The following EYS variants were observed in gnomAD, a reference collection of about 807,000 sequenced individuals.
EYS encodes protein eyes shut homolog.
Under a neutral mutation model 282.1 loss-of-function variants are expected in EYS, and 250 were observed. That is an observed-to-expected ratio of 0.89 (90% CI 0.80 to 0.98). The LOEUF is 0.98. EYS is among the 50% of genes least tolerant of loss of function. The pLI is 0.00. For missense variants in EYS, 4,016 were observed against 3,709.0 expected (o/e 1.08, Z -2.15); for synonymous variants, 1,355 against 1,282.9 (o/e 1.06, Z -1.20).
At chr6:63,951,640 CT>C (rs1227169552) in intron 35 of EYS, among the ~76,000 whole-genome samples, 1 of 152,128 alleles carries the variant, frequency 6.6e-6, no homozygotes, top group Non-Finnish European at 1.5e-5. Context: ...CCCTATAATC[CT>C]TTTATCTCCT....
chr6:65,679,988 T>C (rs1389157453), intron 1 of EYS, among the ~76,000 whole-genome samples: 1 of 151,808 alleles, frequency 6.6e-6, no homozygotes, highest in Admixed American at 6.6e-5. Flanking sequence ...GAATCTGTAT[T>C]TTAAGTATTC....
intron 35 of EYS, among the ~76,000 whole-genome samples, chr6:63,865,532 T>A (rs1016263439): frequency 1.3e-5 from 2 of 152,088 alleles, no homozygotes; most frequent in African/African-American, 4.8e-5. Context: ...GGAGTTTACA[T>A]CTTATCTTCT....
At position 64,562,235 on chromosome 6, in the gene EYS, C is replaced by T. The variant is rs77723823; in HGVS notation, c.5644+27988G>A. 8.7e-3 allele frequency among the ~76,000 whole-genome samples: 1,314 copies of T among 151,496 alleles called. 7 individuals carry two copies. Among genetic ancestry groups the T allele is most frequent in the Non-Finnish European group, 0.014 (976 of 67,754 alleles). On this transcript the variant is annotated intron_variant, in intron 26 of 42. Coordinates refer to ENST00000503581, the MANE Select transcript of EYS (RefSeq NM_001142800.2). ...ACATTTATCATTATCTTATTCTTTT[C>T]CTTATTAATTCTGGAATTTCTAAAA...
chr6:63,827,354 T>A (rs1771498106), intron 36 of EYS, among the ~76,000 whole-genome samples: 1 of 152,164 alleles, frequency 6.6e-6, no homozygotes, highest in African/African-American at 2.4e-5. Flanking sequence ...CTGGCAGCAC[T>A]AAATACTTCA....
intron 30 of EYS, among the ~76,000 whole-genome samples, chr6:64,254,861 T>G (rs1356459101): frequency 6.6e-6 from 1 of 152,064 alleles, no homozygotes; most frequent in African/African-American, 2.4e-5. Context: ...CAATCAAAGA[T>G]TTGGAAATGT....
At chr6:64,246,344 C>A (rs1443752659) in intron 30 of EYS, among the ~76,000 whole-genome samples, 1 of 151,930 alleles carries the variant, frequency 6.6e-6, no homozygotes, top group East Asian at 1.9e-4. Context: ...TGCCATACTA[C>A]CTGAAATGGA....
intron 29 of EYS, among the ~76,000 whole-genome samples, chr6:64,365,024 A>T (rs1772142518): frequency 6.6e-6 from 1 of 152,010 alleles, no homozygotes; most frequent in Non-Finnish European, 1.5e-5. Flanking sequence ...GTTCAGACAT[A>T]AATTCAACCA....
At chr6:64,435,158 C>A (rs1023863019) in intron 28 of EYS, among the ~76,000 whole-genome samples, 1 of 151,588 alleles carries the variant, frequency 6.6e-6, no homozygotes, top group African/African-American at 2.4e-5. Context: ...TATAGTGACA[C>A]TAAGCATTAA....
At chr6:65,270,382 C>T (rs1049102156) in intron 12 of EYS, among the ~76,000 whole-genome samples, 1 of 152,132 alleles carries the variant, frequency 6.6e-6, no homozygotes, top group Non-Finnish European at 1.5e-5. Context: ...ATCTTTATTG[C>T]TTTGGGTGGC....
intron 2 of EYS, among the ~76,000 whole-genome samples, chr6:65,608,715 A>C (rs562043635): frequency 6.6e-6 from 1 of 152,082 alleles, no homozygotes; most frequent in Non-Finnish European, 1.5e-5. Flanking sequence ...TTTTTCCTTT[A>C]TATCCTTACT....
At chr6:64,035,411 A>G (rs1770067284) in intron 33 of EYS, among the ~76,000 whole-genome samples, 1 of 152,172 alleles carries the variant, frequency 6.6e-6, no homozygotes, top group African/African-American at 2.4e-5. Context: ...CATAGGGAGG[A>G]GAAAGAAACT....
intron 36 of EYS, among the ~76,000 whole-genome samples, chr6:63,863,675 C>CTTTTTTTTTTTTTTT (rs1284326554): frequency 1.7e-5 from 1 of 60,042 alleles, no homozygotes. Context: ...TTTCTTTTTT[C>CTTTTTTTTTTTTTTT]TTTTTTTTTT....
chr6:65,387,813 AT>A (rs1163422372), intron 7 of EYS, among the ~76,000 whole-genome samples: 3 of 151,862 alleles, frequency 2.0e-5, no homozygotes, highest in Non-Finnish European at 4.4e-5. Context: ...TATATTTGTA[AT>A]TTTTATAATG....
At chr6:64,214,861 CATATA>C (rs1411824243) in intron 31 of EYS, among the ~76,000 whole-genome samples, 4 of 151,964 alleles carry the variant, frequency 2.6e-5, no homozygotes, top group South Asian at 2.1e-4. Context: ...ATTTGATATG[CATATA>C]ATATGTGTGT....
At chr6:64,075,220 A>T (rs1456771630) in intron 32 of EYS, among the ~76,000 whole-genome samples, 1 of 151,982 alleles carries the variant, frequency 6.6e-6, no homozygotes, top group Non-Finnish European at 1.5e-5. Context: ...ATTTTAAGAC[A>T]GCTTACAGCA....
intron 30 of EYS, among the ~76,000 whole-genome samples, chr6:64,240,979 C>T (rs113106757): frequency 6.6e-5 from 10 of 152,200 alleles, no homozygotes; most frequent in African/African-American, 1.7e-4. Flanking sequence ...TGAATTTTGT[C>T]GAAGGCCTTT....
intron 30 of EYS, among the ~76,000 whole-genome samples, chr6:64,259,650 G>GCGCAAACA (rs140354088): frequency 6.9e-6 from 1 of 145,604 alleles, no homozygotes; most frequent in African/African-American, 2.5e-5. Context: ...TTACACACGC[G>GCGCAAACA]CACACACACA....
chr6:64,757,191 T>C (rs1772968138), intron 22 of EYS, among the ~76,000 whole-genome samples: 1 of 152,198 alleles, frequency 6.6e-6, no homozygotes, highest in South Asian at 2.1e-4. Flanking sequence ...CTGATGTTTT[T>C]TGTCTGTAAG....
intron 26 of EYS, among the ~76,000 whole-genome samples, chr6:64,538,047 C>A (rs184714831): frequency 6.8e-6 from 1 of 147,608 alleles, no homozygotes; most frequent in Non-Finnish European, 1.5e-5. Context: ...AAACAAGCTA[C>A]TAAGTGTATA....
Sources: allele counts gnomAD v4.1 joint callset (sites outside exome capture counted in the v4.1 genomes callset), GRCh38; gene constraint gnomAD v4.1.1; transcripts MANE v1.5; gene names NCBI Gene and HGNC (gene_info 2026-07-23, HGNC 2026-07-21).